GYG1: variants seen among roughly 807,000 people sequenced by gnomAD.
GYG1 encodes the protein glycogenin 1.
A neutral mutation model predicts 41.9 loss-of-function variants in GYG1; 44 were observed. The observed-to-expected ratio is 1.05, with a 90% CI of 0.83 to 1.35. GYG1 has a LOEUF of 1.35. GYG1 is among the 40% of genes most tolerant of loss of function. The pLI, the probability that GYG1 is intolerant of heterozygous loss-of-function variation, is 0.00. For synonymous variants in GYG1, 141 were observed against 158.1 expected, an observed-to-expected ratio of 0.89 and a Z score of 0.81; for missense variants, 429 against 418.9, an observed-to-expected ratio of 1.02 and a Z score of -0.21.
Position 149,022,498 on chromosome 3 carries a change from CT to C in GYG1, c.609-1537del, listed in dbSNP as rs71617495. 1.1e-3 allele frequency among the ~76,000 whole-genome samples: 77 copies of C among 69,584 alleles called. 3 individuals are homozygous for C. The highest frequency in any genetic ancestry group is 3.8e-3 in the East Asian group (8 of 2,084). 45.6% of individuals were successfully genotyped at this position (69,584 alleles called of 152,430 possible). A position where few individuals can be genotyped will look rare whatever the true frequency, so the allele number is the denominator to read the frequency against. ...AACAGTACCTTTTTTCTTGTTTTGCCTTTTTTTTTTTTTTTTTTGAGATGGA... is the reference window on the plus strand; with the variant it reads ...AACAGTACCTTTTTTCTTGTTTTGCCTTTTTTTTTTTTTTTTTGAGATGGA... On this transcript the variant is annotated intron_variant, in intron 5 of 7. Transcript: ENST00000345003.
At position 149,028,375 on chromosome 3, in the gene GYG1, A is replaced by G. The variant is rs1238179686; in HGVS notation, c.*1442A>G. On this transcript the variant is annotated 3_prime_UTR_variant, in exon 8 of 8. Coordinates refer to ENST00000345003, the MANE Select transcript of GYG1 (RefSeq NM_004130.4). ...TATTAAATGATAAATGACTTCTGAAACTAGCTATTTGGACTGGTGAAGAAT... is the reference window on the plus strand; with the variant it reads ...TATTAAATGATAAATGACTTCTGAAGCTAGCTATTTGGACTGGTGAAGAAT... Among the ~76,000 whole-genome samples the G allele has an allele frequency of 6.6e-6, 1 of 152,234 alleles. No homozygotes were observed.
rs74340393 is a variant in GYG1, at chr3:149,008,837, T to C, written c.482-439T>C. The C allele has an allele frequency of 3.3e-3, 626 of 189,170 alleles. 4 individuals carry two copies. The highest frequency in any genetic ancestry group is 0.014 in the African/African-American group (593 of 42,124). The allele number at this position is 189,170 out of a possible 1,614,324, so 11.7% of individuals were successfully genotyped here. Reference sequence around the variant, plus strand: ...GGGAAATGGCCACTCCTTAAAATGTTTTTAATTGGTGTGTCAAGGAACTTA... The same window carrying C: ...GGGAAATGGCCACTCCTTAAAATGTCTTTAATTGGTGTGTCAAGGAACTTA... On this transcript the variant is annotated intron_variant, in intron 4 of 7. Transcript: ENST00000345003.
chr3:148,993,628 G>A (rs929332289), intron 1 of GYG1, among the ~76,000 whole-genome samples: 1 of 152,180 alleles, frequency 6.6e-6, no homozygotes. Flanking sequence ...GGGTGGCCGA[G>A]TGAGACCCTG....
Position 148,996,793 on chromosome 3 carries a change from C to T in GYG1, c.370C>T (p.Pro124Ser), listed in dbSNP as rs1712821278. ...TGACAGAGAAGAATTGTCAGCAGCA[C>T]CAGACCCAGGGTGGCCTGACTGCTT... ...LFDREELSAA[P>S]DPGWPDCFNS... The change falls in exon 4 of 8, where the codon CCA (proline) becomes TCA (serine). Residue 124 changes from proline (P) to serine (S), a missense_variant. Physicochemically the swap from Pro to Ser is moderately conservative, Grantham distance 74 (BLOSUM62 -1). Coordinates refer to ENST00000345003, the MANE Select transcript of GYG1 (RefSeq NM_004130.4). 3.7e-6 allele frequency: 6 copies of T among 1,613,588 alleles called. No individual in the cohort carries two copies. Among genetic ancestry groups the T allele is most frequent in the Non-Finnish European group, 5.1e-6 (6 of 1,179,468 alleles).
chr3:149,025,266 C>G (rs1714589528), intron 6 of GYG1, among the ~76,000 whole-genome samples: 1 of 152,170 alleles, frequency 6.6e-6, no homozygotes, highest in African/African-American at 2.4e-5. Flanking sequence ...CTCAGATCAT[C>G]AGGCATTAGA....
intron 2 of GYG1, among the ~76,000 whole-genome samples, chr3:148,995,663 A>G (rs917383505): frequency 1.3e-5 from 2 of 152,146 alleles, no homozygotes; most frequent in African/African-American, 4.8e-5. Flanking sequence ...ACTGTACCAT[A>G]TTTTTGTACA....
intron 5 of GYG1, among the ~76,000 whole-genome samples, chr3:149,011,446 A>C (rs1713717769): frequency 6.6e-6 from 1 of 152,082 alleles, no homozygotes; most frequent in Non-Finnish European, 1.5e-5. Context: ...GAATAGTATG[A>C]CCATTCCACT....
intron 2 of GYG1, among the ~76,000 whole-genome samples, chr3:148,995,646 T>C (rs1390513692): frequency 6.6e-6 from 1 of 152,228 alleles, no homozygotes; most frequent in African/African-American, 2.4e-5. Flanking sequence ...TCAAGTTTAC[T>C]GTGTGAACTG....
intron 5 of GYG1, among the ~76,000 whole-genome samples, chr3:149,021,728 A>G (rs1714381380): frequency 6.6e-6 from 1 of 152,098 alleles, no homozygotes; most frequent in African/African-American, 2.4e-5. Context: ...CAAATATAGT[A>G]AACTCTGATG....
chr3:149,018,143 TG>T lies in GYG1; in HGVS notation c.609-5909del, dbSNP rs556871013. ...TTTCATAAATGACTAAAGGGTAAAT[TG>T]ATTATGATAGAAAATGATCTTTTAA... On this transcript the variant is annotated intron_variant, in intron 5 of 7. Transcript: ENST00000345003. Among the ~76,000 whole-genome samples the T allele has an allele frequency of 1.4e-4, 22 of 152,270 alleles. 2 individuals carry two copies. Among genetic ancestry groups the T allele is most frequent in the Admixed American group, 1.1e-3 (17 of 15,300 alleles).
intron 5 of GYG1, 59 bp downstream of exon 5, chr3:149,009,461 C>T: frequency 1.3e-6 from 2 of 1,531,174 alleles, no homozygotes; most frequent in Non-Finnish European, 1.8e-6. Context: ...TTGGGGTGTA[C>T]AATTTTGGGG....
In GYG1 at chr3:149,024,138, A is replaced by C; in HGVS notation, c.694A>C (p.Lys232Gln). ...YTYDPKTKSVKSEAHDPNMTH... is the reference protein window; with the variant it reads ...YTYDPKTKSVQSEAHDPNMTH... ...TTATGATCCCAAAACAAAAAGTGTC[A>C]AAAGTGAGGCCCATGATCCCAACAT... Residue 232 changes from lysine to glutamine, a missense_variant, in exon 6 of 8, where the codon AAA becomes CAA. Coordinates refer to ENST00000345003, the MANE Select transcript of GYG1 (RefSeq NM_004130.4). The C allele has an allele frequency of 6.2e-7, 1 of 1,613,992 alleles. No homozygotes were observed. Among genetic ancestry groups the C allele is most frequent in the Non-Finnish European group, 8.5e-7 (1 of 1,179,852 alleles).
intron 2 of GYG1, among the ~76,000 whole-genome samples, chr3:148,994,490 G>A (rs1712677832): frequency 6.8e-6 from 1 of 146,540 alleles, no homozygotes; most frequent in Non-Finnish European, 1.5e-5. Flanking sequence ...AAGGTGTTAT[G>A]CTGGCCCACA....
chr3:149,005,553 A>C (rs1278927988), intron 4 of GYG1, among the ~76,000 whole-genome samples: 1 of 152,208 alleles, frequency 6.6e-6, no homozygotes, highest in Non-Finnish European at 1.5e-5. Context: ...GTATGGTAGA[A>C]TATAAGTCGT....
chr3:149,025,869 C>G (rs1256645295), intron 6 of GYG1, among the ~76,000 whole-genome samples: 1 of 152,100 alleles, frequency 6.6e-6, no homozygotes, highest in Non-Finnish European at 1.5e-5. Flanking sequence ...GTCCAGTATA[C>G]TTGGCTTGAC....
At chr3:148,992,588 G>T (rs1407775173) in intron 1 of GYG1, 1 of 152,120 alleles carries the variant, frequency 6.6e-6, no homozygotes, top group Admixed American at 6.6e-5. Flanking sequence ...CTCCATGATC[G>T]CCTGGAACCT....
chr3:149,020,440 C>T (rs530487232), intron 5 of GYG1, among the ~76,000 whole-genome samples: 1 of 152,328 alleles, frequency 6.6e-6, no homozygotes, highest in South Asian at 2.1e-4. Flanking sequence ...AGCCAGACTG[C>T]CTGGATGGAA....
intron 1 of GYG1, among the ~76,000 whole-genome samples, chr3:148,991,858 G>A (rs1712492647): frequency 6.6e-6 from 1 of 152,226 alleles, no homozygotes; most frequent in African/African-American, 2.4e-5. Context: ...CAGCCGGGCA[G>A]AGCCCGGGCC....
chr3:149,028,919 CA>C lies in GYG1; in HGVS notation c.*1987del, dbSNP rs1714799377. Among the ~76,000 whole-genome samples, 1 of 152,104 alleles carries C rather than the reference CA, an allele frequency of 6.6e-6. No individual in the cohort carries two copies. The highest frequency in any genetic ancestry group is 1.5e-5 in the Non-Finnish European group (1 of 68,010). On this transcript the variant is annotated 3_prime_UTR_variant, in exon 8 of 8. Coordinates refer to ENST00000345003, the MANE Select transcript of GYG1 (RefSeq NM_004130.4). ...TATTTTTAGTAGAGACAGGTTTCAC[CA>C]TGTTGCCAGGATGGTCTCAATCTCT...
Sources: gnomAD v4.1 joint callset for allele counts (sites outside exome capture counted in the v4.1 genomes callset) on GRCh38, gnomAD v4.1.1 for gene constraint, MANE v1.5 for transcripts, NCBI Gene and HGNC (gene_info 2026-07-23, HGNC 2026-07-21) for gene names.